Variants in GLMN observed in about 807,000 individuals in gnomAD.
GLMN encodes glomulin.
Under a neutral mutation model 87.8 loss-of-function variants are expected in GLMN, and 75 were observed. That is an observed-to-expected ratio of 0.85 (90% confidence interval 0.71 to 1.04). The LOEUF (loss-of-function observed/expected upper bound fraction) is 1.04, where lower values mean the gene tolerates loss of function less well. GLMN is among the 50% of genes least tolerant of loss of function. The pLI is 0.00. For synonymous variants in GLMN, 206 were observed against 221.6 expected, an observed-to-expected ratio of 0.93 and a Z score of 0.63; for missense variants, 588 against 658.8, an observed-to-expected ratio of 0.89 and a Z score of 1.18.
At chr1:92,295,318 T>C (rs1051624253) in intron 3 of GLMN, among the ~76,000 whole-genome samples, 2 of 147,038 alleles carry the variant, frequency 1.4e-5, no homozygotes, top group South Asian at 4.3e-4. Context: ...TAAATTCTTG[T>C]TTTTTTTTTT....
At chr1:92,314,380 TTTTA>T in the GLMN span, among the ~76,000 whole-genome samples, 1 of 151,386 alleles carries the variant, frequency 6.6e-6, no homozygotes, top group Non-Finnish European at 1.5e-5. Context: ...TAGTAGTGCA[TTTTA>T]TTTATTCTAA....
At chr1:92,265,592 A>G (rs1263677879) in intron 13 of GLMN, among the ~76,000 whole-genome samples, 1 of 152,136 alleles carries the variant, frequency 6.6e-6, no homozygotes, top group African/African-American at 2.4e-5. Context: ...CCTGGGCAAC[A>G]TGGCAAAACC....
chr1:92,346,033 G>A, the GLMN span: 1 of 608,900 alleles, frequency 1.6e-6, no homozygotes, highest in Non-Finnish European at 2.8e-6. Flanking sequence ...CCTCTATTTT[G>A]TGCCTTATTT....
the GLMN span, among the ~76,000 whole-genome samples, chr1:92,312,699 C>G: frequency 9.9e-5 from 15 of 152,216 alleles, no homozygotes; most frequent in Non-Finnish European, 1.6e-4. Context: ...TAGTGACTAC[C>G]TCTACGGAAG....
the GLMN span, among the ~76,000 whole-genome samples, chr1:92,355,397 G>A: frequency 4.7e-3 from 721 of 152,196 alleles, 3 homozygotes; most frequent in Non-Finnish European, 8.0e-3. Context: ...TCAAGTATGA[G>A]GTGTAAAAAG....
intron 7 of GLMN, among the ~76,000 whole-genome samples, chr1:92,271,945 G>C (rs1157766105): frequency 1.3e-5 from 2 of 152,184 alleles, no homozygotes; most frequent in Non-Finnish European, 2.9e-5. Context: ...AGGGGGTCCA[G>C]GCCTTCCCTG....
chr1:92,294,113 G>A (rs1320806786), intron 3 of GLMN, among the ~76,000 whole-genome samples: 2 of 151,974 alleles, frequency 1.3e-5, no homozygotes, highest in Non-Finnish European at 2.9e-5. Flanking sequence ...TAATTGGTTT[G>A]TTTGTAACAC....
chr1:92,290,378 G>T, intron 4 of GLMN, 72 bp from the exon 5 acceptor site: 1 of 896,992 alleles, frequency 1.1e-6, no homozygotes, highest in Non-Finnish European at 1.9e-6. Context: ...CTATTTTTAA[G>T]AAGGCATGTA....
the GLMN span, among the ~76,000 whole-genome samples, chr1:92,319,369 T>C: frequency 6.6e-5 from 10 of 152,250 alleles, no homozygotes; most frequent in Non-Finnish European, 1.5e-4. Flanking sequence ...CTCTCTGTAC[T>C]CAGTTTCCTT....
chr1:92,343,433 C>A, the GLMN span, among the ~76,000 whole-genome samples: 2,119 of 152,176 alleles, frequency 0.014, 48 homozygotes, highest in African/African-American at 0.048. Context: ...GATATTAAAC[C>A]CATATCTTTC....
chr1:92,268,738 G>C (rs965796003), intron 9 of GLMN, among the ~76,000 whole-genome samples: 1 of 152,166 alleles, frequency 6.6e-6, no homozygotes, highest in African/African-American at 2.4e-5. Flanking sequence ...CCTGGTAAGA[G>C]ATGGGACTGA....
chr1:92,284,163 G>T (rs909950875), intron 7 of GLMN, among the ~76,000 whole-genome samples: 1 of 152,152 alleles, frequency 6.6e-6, no homozygotes, highest in African/African-American at 2.4e-5. Context: ...GTATAGCCAA[G>T]ACAATCCTAA....
At chr1:92,283,821 C>T (rs1648388815) in intron 7 of GLMN, among the ~76,000 whole-genome samples, 1 of 152,040 alleles carries the variant, frequency 6.6e-6, no homozygotes, top group South Asian at 2.1e-4. Context: ...TCCTATACAC[C>T]AATAATAGAC....
chr1:92,256,172 G>C (rs765325699), intron 16 of GLMN, among the ~76,000 whole-genome samples: 4 of 151,870 alleles, frequency 2.6e-5, no homozygotes, highest in Non-Finnish European at 5.9e-5. Context: ...TAAATTCCTG[G>C]ACATACACAC....
At chr1:92,271,763 G>A (rs919025087) in intron 7 of GLMN, 111 bp from the exon 8 acceptor site, 6 of 751,488 alleles carry the variant, frequency 8.0e-6, no homozygotes, top group Non-Finnish European at 1.2e-5. Flanking sequence ...CACTCCCTTT[G>A]AGCGTGAGTG....
rs941072020 is a variant in GLMN at position 92,271,644 on chromosome 1, T to C, written c.744A>G (p.Leu248=). Residue 248 remains leucine, a synonymous_variant, in exon 8 of 19, where the codon TTA becomes TTG. Transcript: ENST00000370360. ...RYFASEIIGF[L]SAIGHPFPKM... ...TGGGGAAAGGGTGTCCAATTGCTGATAAAAAACCCTATGAAATGGATAAAA... is the reference window on the plus strand; with the variant it reads ...TGGGGAAAGGGTGTCCAATTGCTGACAAAAAACCCTATGAAATGGATAAAA... 9 of 1,609,318 alleles carry C rather than the reference T, an allele frequency of 5.6e-6. No homozygotes were observed. The highest frequency in any genetic ancestry group is 7.7e-6 in the Non-Finnish European group (9 of 1,175,910).
the GLMN span, chr1:92,363,851 A>G: frequency 5.0e-6 from 1 of 198,936 alleles, no homozygotes; most frequent in Non-Finnish European, 1.1e-5. Flanking sequence ...TCTAATACAT[A>G]TCCTTACATA....
intron 12 of GLMN, 79 bp downstream of exon 12, chr1:92,266,621 T>A: frequency 8.0e-7 from 1 of 1,249,846 alleles, no homozygotes; most frequent in East Asian, 2.5e-5. Flanking sequence ...AAATTAAAAT[T>A]TTTAAAAAGA....
the GLMN span, among the ~76,000 whole-genome samples, chr1:92,353,151 A>G: frequency 6.6e-6 from 1 of 152,198 alleles, no homozygotes; most frequent in Non-Finnish European, 1.5e-5. Flanking sequence ...TGCTATAAAC[A>G]TTCATGTACA....
Sources: allele counts gnomAD v4.1 joint callset (sites outside exome capture counted in the v4.1 genomes callset), GRCh38; gene constraint gnomAD v4.1.1; transcripts MANE v1.5; gene names NCBI Gene and HGNC (gene_info 2026-07-23, HGNC 2026-07-21).